ARSL: variants seen among roughly 807,000 people sequenced by gnomAD.
The protein encoded by ARSL is arylsulfatase E (chondrodysplasia punctata 1).
ARSL carries 4 observed loss-of-function variants against 31.1 expected under a neutral mutation model. The observed-to-expected ratio is 0.13, with a 90% CI of 0.06 to 0.29. The LOEUF (loss-of-function observed/expected upper bound fraction) is 0.29, where lower values mean the gene tolerates loss of function less well. Ranked by LOEUF, ARSL falls within the 10% of genes least tolerant of loss-of-function variation. The pLI is 1.00. For synonymous variants in ARSL, 198 were observed against 209.9 expected (o/e 0.94, Z 0.49); for missense variants, 312 against 497.8 (o/e 0.63, Z 3.55).
At chrX:2,941,686 C>T (rs956064564) in intron 8 of ARSL, among the ~76,000 whole-genome samples, 5 of 112,151 alleles carry the variant, frequency 4.5e-5, no homozygotes, top group Admixed American at 3.8e-4. Flanking sequence ...TGAGTTGTCC[C>T]ACCTTTCTGG....
At chrX:2,960,567 A>G (rs1820145854) in intron 1 of ARSL, 147 bp from the exon 2 acceptor site, 1 of 537,559 alleles carries the variant, frequency 1.9e-6, no homozygotes, top group Admixed American at 3.2e-5. Context: ...ATCAAAATCT[A>G]TAAAGGAATG....
intron 2 of ARSL, among the ~76,000 whole-genome samples, chrX:2,960,119 A>AC (rs2089592899): frequency 1.1e-5 from 1 of 94,657 alleles, no homozygotes; most frequent in Non-Finnish European, 2.2e-5. Context: ...AATACAAAAA[A>AC]TTAGCCGGGC....
At chrX:2,939,499 A>G (rs2089251082) in intron 8 of ARSL, among the ~76,000 whole-genome samples, 1 of 112,350 alleles carries the variant, frequency 8.9e-6, no homozygotes, top group African/African-American at 3.2e-5. Context: ...GCAATGAGAT[A>G]AAGAAGGTTT....
At chrX:2,962,753 A>G (rs2089654951) in intron 1 of ARSL, among the ~76,000 whole-genome samples, 1 of 111,847 alleles carries the variant, frequency 8.9e-6, no homozygotes, top group African/African-American at 3.3e-5. Flanking sequence ...GCAAGTCAAT[A>G]AGCTAAAGGG....
intron 2 of ARSL, chrX:2,959,879 G>C: frequency 2.9e-6 from 1 of 339,558 alleles, no homozygotes; most frequent in Non-Finnish European, 4.9e-6. Context: ...AACATGGTGA[G>C]ACCCTGTCTC....
At chrX:2,961,030 C>T (rs1035009200) in intron 1 of ARSL, among the ~76,000 whole-genome samples, 1 of 111,327 alleles carries the variant, frequency 9.0e-6, no homozygotes, top group Admixed American at 9.6e-5. Flanking sequence ...GACTTGAAAA[C>T]AGAACTGGGA....
intron 7 of ARSL, among the ~76,000 whole-genome samples, chrX:2,945,516 T>A (rs938445311): frequency 1.5e-4 from 17 of 111,749 alleles, no homozygotes; most frequent in African/African-American, 5.5e-4. Flanking sequence ...GACGTGGAAA[T>A]CTCTGAGGTC....
At chrX:2,953,039 G>A in intron 5 of ARSL, 104 bp downstream of exon 5, 1 of 1,017,931 alleles carries the variant, frequency 9.8e-7, no homozygotes, top group Non-Finnish European at 1.4e-6. Context: ...TCTGTCTAGT[G>A]GGAAATCCCA....
intron 8 of ARSL, among the ~76,000 whole-genome samples, chrX:2,941,499 C>T (rs1216256447): frequency 1.8e-5 from 2 of 111,525 alleles, no homozygotes; most frequent in East Asian, 5.6e-4. Context: ...AAGTGATCCA[C>T]CCGCCTTGGC....
intron 6 of ARSL, among the ~76,000 whole-genome samples, chrX:2,946,732 C>T (rs1319530092): frequency 1.5e-4 from 16 of 105,499 alleles, no homozygotes; most frequent in Non-Finnish European, 2.3e-4. Context: ...TGCAGTGGCA[C>T]GATCTCAGCT....
intron 2 of ARSL, among the ~76,000 whole-genome samples, 193 bp downstream of exon 2, chrX:2,960,185 T>C (rs373632527): frequency 0.014 from 1,068 of 74,126 alleles, 65 homozygotes; most frequent in Admixed American, 0.1. Flanking sequence ...AGGAGAATGG[T>C]GTGAACCCGG....
intron 2 of ARSL, among the ~76,000 whole-genome samples, chrX:2,958,847 C>T (rs895553278): frequency 4.5e-5 from 5 of 111,225 alleles, no homozygotes; most frequent in Non-Finnish European, 7.5e-5. Context: ...CTTAGCTGGG[C>T]GTGGTGGCAC....
intron 1 of ARSL, among the ~76,000 whole-genome samples, chrX:2,963,322 C>T (rs1487275409): frequency 9.1e-6 from 1 of 110,108 alleles, no homozygotes; most frequent in East Asian, 2.9e-4. Context: ...ATTTTAATAC[C>T]CTCAGCATTG....
chrX:2,943,741 C>CAAAAAA (rs63205261), intron 7 of ARSL, among the ~76,000 whole-genome samples: 1 of 13,725 alleles, frequency 7.3e-5, no homozygotes, highest in African/African-American at 2.5e-4. Flanking sequence ...GACTCGGTCT[C>CAAAAAA]AAAAAAAAAA....
At chrX:2,967,192 G>A (rs1295583906), upstream of ARSL, among the ~76,000 whole-genome samples, 1 of 111,068 alleles carries the variant, frequency 9.0e-6, no homozygotes, top group East Asian at 2.8e-4. Context: ...TGGTTATATT[G>A]GTGTCTAAAT....
At chrX:2,965,849 C>T (rs1025051012), upstream of ARSL, among the ~76,000 whole-genome samples, 1 of 112,153 alleles carries the variant, frequency 8.9e-6, no homozygotes, top group Admixed American at 9.4e-5. Context: ...TGCAGTGAGC[C>T]GAGACTGTGC....
At chrX:2,952,756 GT>G in intron 5 of ARSL, 1 of 143,607 alleles carries the variant, frequency 7.0e-6, no homozygotes, top group Non-Finnish European at 1.4e-5. Flanking sequence ...GCAATTATGT[GT>G]TGTGCAATGG....
chrX:2,944,921 A>G (rs1354341842), intron 7 of ARSL, among the ~76,000 whole-genome samples: 1 of 110,718 alleles, frequency 9.0e-6, no homozygotes, highest in Non-Finnish European at 1.9e-5. Flanking sequence ...AAGAAAGAAG[A>G]CAGAAAGAAG....
chrX:2,936,670 C>T, intron 10 of ARSL, 72 bp downstream of exon 10: 1 of 1,181,968 alleles, frequency 8.5e-7, no homozygotes, highest in Non-Finnish European at 1.1e-6. Flanking sequence ...CTAGCCTGTT[C>T]TAGGGCATGG....
Sources: allele counts gnomAD v4.1 joint callset (sites outside exome capture counted in the v4.1 genomes callset), GRCh38; gene constraint gnomAD v4.1.1; transcripts MANE v1.5; gene names NCBI Gene and HGNC (gene_info 2026-07-23, HGNC 2026-07-21).